AGAP3: variants seen among roughly 807,000 people sequenced by gnomAD.
AGAP3 encodes the protein arf-GAP with GTPase, ANK repeat and PH domain-containing protein 3.
In AGAP3, 24 loss-of-function variants were observed where a neutral mutation model predicts 96.9. The ratio of observed to expected loss-of-function variants is 0.25; its 90% CI spans 0.18 to 0.35. The LOEUF is 0.35. AGAP3 is among the 10% of genes least tolerant of loss of function. The probability of loss-of-function intolerance (pLI) is 1.00; values close to 1 mark genes in which losing one functional copy is unlikely to be tolerated. For missense variants in AGAP3, 876 were observed against 1,254.2 expected, an observed-to-expected ratio of 0.70 and a Z score of 4.55; for synonymous variants, 563 against 536.1, an observed-to-expected ratio of 1.05 and a Z score of -0.69.
At chr7:151,100,925 G>T (rs1022228029) in intron 1 of AGAP3, among the ~76,000 whole-genome samples, 7 of 152,198 alleles carry the variant, frequency 4.6e-5, no homozygotes, top group African/African-American at 1.7e-4. Context: ...CTGCCTGGCC[G>T]ACTCTGCTCT....
At chr7:151,087,699 C>T (rs1798216722) in intron 1 of AGAP3, among the ~76,000 whole-genome samples, 1 of 152,240 alleles carries the variant, frequency 6.6e-6, no homozygotes, top group Admixed American at 6.5e-5. Context: ...GCTCCTCGGT[C>T]TGGAGGCAGC....
chr7:151,122,430 G>A (rs2150489907), intron 8 of AGAP3, among the ~76,000 whole-genome samples: 2 of 152,288 alleles, frequency 1.3e-5, no homozygotes, highest in Admixed American at 1.3e-4. Context: ...GGCCTGGGCT[G>A]CCGAGTGGCG....
intron 1 of AGAP3, chr7:151,115,182 G>A: frequency 3.0e-6 from 3 of 1,011,408 alleles, no homozygotes; most frequent in Non-Finnish European, 2.4e-6. Context: ...CCTGGAGCTG[G>A]CGGCCGCCGA....
intron 10 of AGAP3, among the ~76,000 whole-genome samples, chr7:151,130,603 A>G (rs1459970651): frequency 6.6e-6 from 1 of 152,090 alleles, no homozygotes; most frequent in Non-Finnish European, 1.5e-5. Context: ...GTGCCCCTCC[A>G]TGCCGCACTT....
rs577532047 is a variant in AGAP3 at position 151,142,291 on chromosome 7, G to A, written c.2050+38G>A. 1.1e-5 allele frequency: 18 copies of A among 1,607,870 alleles called. No individual in the cohort carries two copies. In the East Asian group the frequency reaches 3.8e-4, roughly 34 times the overall value. On this transcript the variant is annotated intron_variant, in intron 15 of 17. Coordinates refer to ENST00000397238, the MANE Select transcript of AGAP3 (RefSeq NM_031946.7). The surrounding 1 kb of genome is among the most constrained non-coding windows in gnomAD (Gnocchi z 7.5). ...CTGGTGGGGCTGGGAGCTGGGGATG[G>A]CCCAGGGAAAGCTTCGCAAGCATCA...
rs574974178 is a variant in AGAP3, at chr7:151,090,746, A to G, written c.331+3674A>G. On this transcript the variant is annotated intron_variant, in intron 1 of 17. Coordinates refer to ENST00000397238, the MANE Select transcript of AGAP3 (RefSeq NM_031946.7). ...ATCACGAGGTCAGGAGATCGAGACC[A>G]TCCTGGTTAACATGGTGAAACCCCC... 2.0e-5 allele frequency among the ~76,000 whole-genome samples: 3 copies of G among 152,236 alleles called. 1 individual carries two copies. Among genetic ancestry groups the G allele is most frequent in the African/African-American group, 4.8e-5 (2 of 41,548 alleles).
At chr7:151,123,505 A>C in intron 8 of AGAP3, 1 of 1,219,928 alleles carries the variant, frequency 8.2e-7, no homozygotes. Context: ...CGCTTCTCTT[A>C]CGCCCCCGCC....
chr7:151,137,807 G>A (rs755427546), intron 11 of AGAP3: 3 of 360,110 alleles, frequency 8.3e-6, no homozygotes, highest in Non-Finnish European at 1.5e-5. Flanking sequence ...GCCAGGAGGG[G>A]CCCCTCAAGG....
chr7:151,090,510 C>T (rs113861786), intron 1 of AGAP3: 2 of 151,846 alleles, frequency 1.3e-5, no homozygotes, highest in African/African-American at 4.8e-5. Context: ...ATTGCCTGCC[C>T]TGGGCTGTGG....
At chr7:151,101,139 C>T (rs1334127239) in intron 1 of AGAP3, among the ~76,000 whole-genome samples, 1 of 152,256 alleles carries the variant, frequency 6.6e-6, no homozygotes, top group East Asian at 1.9e-4. Context: ...ACTGCCCAGC[C>T]ATCCCCGGGT....
intron 10 of AGAP3, among the ~76,000 whole-genome samples, chr7:151,129,675 C>T (rs1800323716): frequency 1.3e-5 from 2 of 152,168 alleles, no homozygotes; most frequent in Admixed American, 6.5e-5. Flanking sequence ...GCAGCCAGCT[C>T]CTGAGCTCCC....
intron 1 of AGAP3, among the ~76,000 whole-genome samples, chr7:151,097,078 C>T (rs551392436): frequency 4.0e-5 from 6 of 151,486 alleles, no homozygotes; most frequent in Admixed American, 2.0e-4. Flanking sequence ...AGTGAGCCAC[C>T]GCGCCCGGCC....
rs780142270 is a variant in AGAP3 at position 151,134,380 on chromosome 7, C to T, written c.1327-20C>T. 1 of 1,612,810 alleles carries T rather than the reference C, an allele frequency of 6.2e-7. No individual in the cohort carries two copies. The highest frequency in any genetic ancestry group is 2.2e-5 in the East Asian group (1 of 44,860). ...CTGCTGCTAACCAGTCTTCATCTGT[C>T]TCTCCCACCCGGCCTGCAGGATTAC... On this transcript the variant is annotated intron_variant, in intron 10 of 17. Coordinates refer to ENST00000397238, the MANE Select transcript of AGAP3 (RefSeq NM_031946.7).
At chr7:151,123,246 T>C in intron 8 of AGAP3, 2 of 1,061,646 alleles carry the variant, frequency 1.9e-6, no homozygotes, top group South Asian at 3.0e-5. Flanking sequence ...CTCCCCCTAT[T>C]TCCTAGGATC....
rs1800761076 is a variant in AGAP3, at chr7:151,140,049, G to C, written c.1737G>C (p.Arg579=). Residue 579 remains arginine (R), a synonymous_variant, in exon 13 of 18, where the codon CGG becomes CGC. Transcript: ENST00000397238. The surrounding 1 kb of genome is among the most constrained non-coding windows in gnomAD (Gnocchi z 5.4). ...CTCCCCCATCTCCCCACTCCAACCG[G>C]AAGAAGCACCGGAGGAAAAAGAGCA... ...LDPPPSPHSN[R]KKHRRKKSTG... 6.2e-7 allele frequency: 1 copy of C among 1,607,032 alleles called. No homozygotes were observed.
chr7:151,091,320 G>T (rs1423526502), intron 1 of AGAP3, among the ~76,000 whole-genome samples: 1 of 152,252 alleles, frequency 6.6e-6, no homozygotes, highest in Non-Finnish European at 1.5e-5. Flanking sequence ...TCTCATGGGG[G>T]CCTGGTTGCT....
In AGAP3 at chr7:151,139,971, C is replaced by T. The variant is rs367954727; in HGVS notation, c.1667-8C>T. The T allele has an allele frequency of 3.5e-5, 54 of 1,547,104 alleles. No individual in the cohort carries two copies. Among genetic ancestry groups the T allele is most frequent in the Admixed American group, 2.2e-4 (11 of 49,752 alleles). On this transcript the variant is annotated splice_polypyrimidine_tract_variant and splice_region_variant and intron_variant, in intron 12 of 17. Coordinates refer to ENST00000397238, the MANE Select transcript of AGAP3 (RefSeq NM_031946.7). The surrounding 1 kb of genome is among the most constrained non-coding windows in gnomAD (Gnocchi z 4.9). ...CTTCCCACACTTCTCCAACTCTCCC[C>T]TCACCAGCCAGTGGCCCAGCTGAGG...
intron 1 of AGAP3, among the ~76,000 whole-genome samples, chr7:151,101,552 A>G (rs1214900858): frequency 6.6e-6 from 1 of 151,980 alleles, no homozygotes; most frequent in African/African-American, 2.4e-5. Context: ...GACTCAGGAG[A>G]CTGTGGGAAA....
chr7:151,114,884 C>A lies in AGAP3; in HGVS notation c.332-1909C>A. ...ACCTGCACGGCGCCTCGGCCGGCCG[C>A]GCTGCCGCCGCCCTGCAGGCCGCCC... On this transcript the variant is annotated intron_variant, in intron 1 of 17. Coordinates refer to ENST00000397238, the MANE Select transcript of AGAP3 (RefSeq NM_031946.7). The surrounding 1 kb of genome is among the most constrained non-coding windows in gnomAD (Gnocchi z 4.4). 9.9e-7 allele frequency: 1 copy of A among 1,006,192 alleles called. No individual in the cohort carries two copies. Among genetic ancestry groups the A allele is most frequent in the Admixed American group, 6.1e-5 (1 of 16,518 alleles). The allele number at this position is 1,006,192 out of a possible 1,614,324, so 62.3% of individuals were successfully genotyped here.
Sources: gnomAD v4.1 joint callset for allele counts (sites outside exome capture counted in the v4.1 genomes callset) on GRCh38, gnomAD v4.1.1 for gene constraint, Gnocchi (gnomAD v3.1) non-coding constraint, MANE v1.5 for transcripts, NCBI Gene and HGNC (gene_info 2026-07-23, HGNC 2026-07-21) for gene names.